The following LMBR1 variants were observed in gnomAD, a reference collection of about 807,000 sequenced individuals.
LMBR1 encodes the protein limb development membrane protein 1, also known as limb region 1 protein homolog.
A neutral mutation model predicts 73.9 loss-of-function variants in LMBR1; 52 were observed. That is an observed-to-expected ratio of 0.70 (90% CI 0.56 to 0.89). The LOEUF (loss-of-function observed/expected upper bound fraction) is 0.89, where lower values mean the gene tolerates loss of function less well. Ranked by LOEUF, LMBR1 falls within the 40% of genes least tolerant of loss-of-function variation. The probability of loss-of-function intolerance (pLI) is 0.00; values close to 1 mark genes in which losing one functional copy is unlikely to be tolerated. For missense variants in LMBR1, 539 were observed against 579.8 expected, an observed-to-expected ratio of 0.93 and a Z score of 0.72; for synonymous variants, 215 against 209.4, an observed-to-expected ratio of 1.03 and a Z score of -0.23.
chr7:156,832,244 A>C (rs1836821169), intron 3 of LMBR1, among the ~76,000 whole-genome samples: 4 of 152,086 alleles, frequency 2.6e-5, no homozygotes, highest in Admixed American at 2.6e-4. Context: ...ATTTATATTC[A>C]TTTTTCAGTT....
At chr7:156,832,252 G>A (rs1414635638) in intron 3 of LMBR1, among the ~76,000 whole-genome samples, 1 of 152,058 alleles carries the variant, frequency 6.6e-6, no homozygotes, top group Non-Finnish European at 1.5e-5. Flanking sequence ...TCATTTTTCA[G>A]TTATGAATCA....
rs10229091 is a variant in LMBR1, at chr7:156,792,210, C to T, written c.423+4179G>A. On this transcript the variant is annotated intron_variant, in intron 5 of 16. Transcript: ENST00000353442. ...TACAGCCAATCTGAGGTATGATAAG[C>T]ACAGCAGTGATGGCTGCCTTAAGAT... Among the ~76,000 whole-genome samples the T allele has an allele frequency of 0.44, 66,845 of 151,874 alleles. 14,949 individuals carry two copies. Among genetic ancestry groups the T allele is most frequent in the East Asian group, 0.6 (3,106 of 5,164 alleles).
rs770174177 is a variant in LMBR1 at position 156,762,239 on chromosome 7, T to C, written c.620-41A>G. The C allele has an allele frequency of 6.9e-6, 9 of 1,309,452 alleles. 1 individual carries two copies. The East Asian group carries it at 9.2e-5, about 13-fold the overall frequency. 81.1% of individuals were successfully genotyped at this position (1,309,452 alleles called of 1,614,324 possible). On this transcript the variant is annotated intron_variant, in intron 7 of 16. Coordinates refer to ENST00000353442, the MANE Select transcript of LMBR1 (RefSeq NM_022458.4). ...CACCAAAAGACAGAAAGCGACATTA[T>C]AGAGCTTGGAGAAAGAGATAAACAA...
chr7:156,690,356 G>A (rs1180233648), intron 15 of LMBR1, among the ~76,000 whole-genome samples: 1 of 152,138 alleles, frequency 6.6e-6, no homozygotes, highest in Non-Finnish European at 1.5e-5. Flanking sequence ...TGAATGCAAG[G>A]AAATGCACAA....
chr7:156,753,140 A>C (rs1208307899), intron 9 of LMBR1, among the ~76,000 whole-genome samples: 1 of 152,142 alleles, frequency 6.6e-6, no homozygotes. Flanking sequence ...GTTATGTCAC[A>C]GGCACGAGCG....
Position 156,678,597 on chromosome 7 carries a change from A to G in LMBR1, c.*5481T>C, listed in dbSNP as rs1470370125. On this transcript the variant is annotated 3_prime_UTR_variant, in exon 17 of 17. Transcript: ENST00000353442. ...AGGTCTCTTCTATAAAAACTGGGAC[A>G]CTGACCAAGAAAGAGTGGGGCCTTT... The G allele has an allele frequency of 6.6e-6, 1 of 152,224 alleles. No homozygotes were observed. Among genetic ancestry groups the G allele is most frequent in the African/African-American group, 2.4e-5 (1 of 41,466 alleles). The allele number at this position is 152,224 out of a possible 1,614,324, so 9.4% of individuals were successfully genotyped here.
intron 1 of LMBR1, among the ~76,000 whole-genome samples, chr7:156,857,602 C>G (rs1797150675): frequency 1.3e-5 from 2 of 152,202 alleles, no homozygotes; most frequent in Non-Finnish European, 1.5e-5. Context: ...CATCTATCAA[C>G]TGGATCTAAT....
At chr7:156,855,049 A>G (rs1796752066) in intron 1 of LMBR1, among the ~76,000 whole-genome samples, 2 of 152,242 alleles carry the variant, frequency 1.3e-5, no homozygotes, top group Admixed American at 6.5e-5. Context: ...AGCATGCTCA[A>G]ATGCAAAAAT....
intron 4 of LMBR1, chr7:156,823,413 T>C (rs1431822009): frequency 6.6e-6 from 1 of 152,282 alleles, no homozygotes; most frequent in East Asian, 1.9e-4. Flanking sequence ...AGCCTAATAA[T>C]TTTCATTCTA....
chr7:156,728,951 C>CA (rs1816314229), intron 10 of LMBR1, among the ~76,000 whole-genome samples: 1 of 152,130 alleles, frequency 6.6e-6, no homozygotes. Flanking sequence ...GTGATCCTCC[C>CA]ATCTCAACCA....
At chr7:156,720,551 T>C (rs1327086643) in intron 15 of LMBR1, among the ~76,000 whole-genome samples, 4 of 152,126 alleles carry the variant, frequency 2.6e-5, no homozygotes, top group African/African-American at 9.7e-5. Flanking sequence ...TTTTTAAGAA[T>C]TCTTTATTCT....
rs866814626 is a variant in LMBR1 at position 156,680,891 on chromosome 7, T to C, written c.*3187A>G. 8 of 236,132 alleles carry C rather than the reference T, an allele frequency of 3.4e-5. No individual in the cohort carries two copies. The Middle Eastern group carries it at 4.5e-3, about 132-fold the overall frequency. 14.6% of individuals were successfully genotyped at this position (236,132 alleles called of 1,614,324 possible). A position where few individuals can be genotyped will look rare whatever the true frequency, so the allele number is the denominator to read the frequency against. Reference sequence around the variant, plus strand: ...AAACCAAATATGAAATCACTTTTTGTACAACTTTTAATTTCTAAGACATTT... The same window carrying C: ...AAACCAAATATGAAATCACTTTTTGCACAACTTTTAATTTCTAAGACATTT... On this transcript the variant is annotated 3_prime_UTR_variant, in exon 17 of 17. Transcript: ENST00000353442.
At chr7:156,743,011 T>G (rs1234712148) in intron 9 of LMBR1, among the ~76,000 whole-genome samples, 1 of 152,198 alleles carries the variant, frequency 6.6e-6, no homozygotes, top group East Asian at 1.9e-4. Flanking sequence ...GATCATTTCA[T>G]TTGATACTGA....
intron 1 of LMBR1, among the ~76,000 whole-genome samples, chr7:156,856,835 T>A (rs566956324): frequency 1.3e-5 from 2 of 152,112 alleles, no homozygotes; most frequent in Non-Finnish European, 2.9e-5. Context: ...AATAATGTAT[T>A]TGGTGATAAC....
rs539676583 is a variant in LMBR1 at position 156,718,777 on chromosome 7, T to A, written c.1225+5335A>T. Among the ~76,000 whole-genome samples, 4 of 152,100 alleles carry A rather than the reference T, an allele frequency of 2.6e-5. No homozygotes were observed. The South Asian group carries it at 8.3e-4, about 32-fold the overall frequency. On this transcript the variant is annotated intron_variant, in intron 15 of 16. Coordinates refer to ENST00000353442, the MANE Select transcript of LMBR1 (RefSeq NM_022458.4). ...AACAGAATACTCAGATAGCTAGAGG[T>A]CTTTATTCTTAGGACAAATTAGACC...
chr7:156,697,917 G>C (rs956550285), intron 15 of LMBR1, among the ~76,000 whole-genome samples: 2 of 152,016 alleles, frequency 1.3e-5, no homozygotes, highest in Admixed American at 1.3e-4. Flanking sequence ...TTTGGGAACT[G>C]ACAAATGTCC....
chr7:156,833,580 T>C (rs199699308), intron 3 of LMBR1, 173 bp downstream of exon 3: 22 of 206,242 alleles, frequency 1.1e-4, no homozygotes, highest in Middle Eastern at 1.2e-3. Context: ...CAATAGGAGA[T>C]TGGATTATCC....
intron 10 of LMBR1, among the ~76,000 whole-genome samples, chr7:156,730,388 A>G (rs1816618622): frequency 6.6e-6 from 1 of 152,224 alleles, no homozygotes; most frequent in Non-Finnish European, 1.5e-5. Context: ...ATAACTAATG[A>G]ACTAGGCTTT....
intron 1 of LMBR1, among the ~76,000 whole-genome samples, chr7:156,865,349 T>G (rs1798305259): frequency 6.6e-6 from 1 of 151,982 alleles, no homozygotes; most frequent in Non-Finnish European, 1.5e-5. Flanking sequence ...TCAAGAAGAA[T>G]AAAATACTTA....
Sources: allele counts gnomAD v4.1 joint callset (sites outside exome capture counted in the v4.1 genomes callset), GRCh38; gene constraint gnomAD v4.1.1; transcripts MANE v1.5; gene names NCBI Gene and HGNC (gene_info 2026-07-23, HGNC 2026-07-21).